ARHGAP15: variants seen among roughly 807,000 people sequenced by gnomAD.
The protein encoded by ARHGAP15 is Rho GTPase activating protein 15.
Under a neutral mutation model 63.7 loss-of-function variants are expected in ARHGAP15, and 51 were observed. That is an observed-to-expected ratio of 0.80 (90% CI 0.64 to 1.01). The LOEUF is 1.01. ARHGAP15 is among the 50% of genes least tolerant of loss of function. The pLI is 0.00. For missense variants in ARHGAP15, 560 were observed against 564.6 expected (o/e 0.99, Z 0.08); for synonymous variants, 191 against 193.8 (o/e 0.99, Z 0.12).
intron 10 of ARHGAP15, among the ~76,000 whole-genome samples, chr2:143,555,409 G>T (rs1188049344): frequency 6.6e-6 from 1 of 152,096 alleles, no homozygotes; most frequent in Non-Finnish European, 1.5e-5. Context: ...GCATCTGCTG[G>T]CAATCTCAGC....
chr2:143,377,527 T>A (rs1466029348), intron 6 of ARHGAP15, among the ~76,000 whole-genome samples: 1 of 152,026 alleles, frequency 6.6e-6, no homozygotes, highest in Non-Finnish European at 1.5e-5. Flanking sequence ...TGTTATTTTA[T>A]AAATTGGGAT....
intron 10 of ARHGAP15, among the ~76,000 whole-genome samples, chr2:143,543,283 A>G (rs1350856032): frequency 1.3e-5 from 2 of 152,040 alleles, no homozygotes; most frequent in Non-Finnish European, 2.9e-5. Flanking sequence ...ATTTGCATGT[A>G]TCTGATGATT....
chr2:143,530,404 G>T (rs147767187), intron 10 of ARHGAP15, among the ~76,000 whole-genome samples: 2 of 152,070 alleles, frequency 1.3e-5, no homozygotes, highest in African/African-American at 2.4e-5. Flanking sequence ...ATTTTTAATA[G>T]GGAGAAACCA....
intron 11 of ARHGAP15, among the ~76,000 whole-genome samples, chr2:143,606,215 T>C (rs970253602): frequency 2.6e-5 from 4 of 152,216 alleles, no homozygotes; most frequent in African/African-American, 7.2e-5. Flanking sequence ...TCAGCAATCA[T>C]GCTACAACAG....
intron 6 of ARHGAP15, among the ~76,000 whole-genome samples, chr2:143,307,957 C>G (rs573337583): frequency 1.3e-5 from 2 of 152,194 alleles, no homozygotes; most frequent in African/African-American, 4.8e-5. Flanking sequence ...AAACTAGATA[C>G]AGCACACAGT....
intron 1 of ARHGAP15, among the ~76,000 whole-genome samples, chr2:143,151,720 T>C (rs961354990): frequency 1.3e-5 from 2 of 151,846 alleles, no homozygotes; most frequent in Non-Finnish European, 2.9e-5. Context: ...GAGAAAAAAC[T>C]GTTGGGATGT....
intron 6 of ARHGAP15, among the ~76,000 whole-genome samples, chr2:143,272,328 C>G (rs891083156): frequency 6.6e-6 from 1 of 152,034 alleles, no homozygotes; most frequent in African/African-American, 2.4e-5. Context: ...ACTTTTTCTT[C>G]ATTGAAAAGT....
intron 6 of ARHGAP15, among the ~76,000 whole-genome samples, chr2:143,302,416 TCTGA>T (rs1682946361): frequency 6.6e-6 from 1 of 152,060 alleles, no homozygotes. Context: ...TACTTCTTGC[TCTGA>T]CTAAAAATAA....
intron 6 of ARHGAP15, among the ~76,000 whole-genome samples, chr2:143,276,490 T>C (rs1009021063): frequency 6.6e-6 from 1 of 152,254 alleles, no homozygotes; most frequent in African/African-American, 2.4e-5. Context: ...GATGACAGTT[T>C]TGCTGTCTTT....
At chr2:143,145,251 T>C (rs1689534238) in intron 1 of ARHGAP15, among the ~76,000 whole-genome samples, 1 of 152,006 alleles carries the variant, frequency 6.6e-6, no homozygotes, top group Non-Finnish European at 1.5e-5. Flanking sequence ...TTATAATGAG[T>C]GATCTCATCT....
In ARHGAP15 at chr2:143,363,663, A is replaced by G. The variant is rs144809728; in HGVS notation, c.475-71938A>G. 6.6e-5 allele frequency among the ~76,000 whole-genome samples: 10 copies of G among 152,280 alleles called. No homozygotes were observed. The East Asian group carries it at 1.5e-3, about 23-fold the overall frequency. ...TGTCACAATATTCTATATACCACCT[A>G]TCATTATCACATATTTCTCTGCATA... is the stretch of plus-strand genomic sequence containing the variant. On this transcript the variant is annotated intron_variant, in intron 6 of 13. Transcript: ENST00000295095.
In ARHGAP15 at chr2:143,554,368, T is replaced by C. The variant is rs80025603; in HGVS notation, c.926-2040T>C. Among the ~76,000 whole-genome samples the C allele has an allele frequency of 7.5e-3, 1,149 of 152,278 alleles. 11 individuals carry two copies. Among genetic ancestry groups the C allele is most frequent in the Non-Finnish European group, 8.5e-3 (576 of 68,024 alleles). On this transcript the variant is annotated intron_variant, in intron 10 of 13. Transcript: ENST00000295095. ...CCACTCATGGTTCTGATGCCATTTG[T>C]CTGCTTCCAAATCCAAAACTCTCTC...
intron 12 of ARHGAP15, among the ~76,000 whole-genome samples, chr2:143,632,484 T>C (rs1448510284): frequency 1.3e-5 from 2 of 152,076 alleles, no homozygotes; most frequent in Admixed American, 1.3e-4. Context: ...GAAGAGTGTT[T>C]TTTTAAATGC....
chr2:143,526,323 T>C (rs537837367), intron 10 of ARHGAP15, among the ~76,000 whole-genome samples: 4 of 152,230 alleles, frequency 2.6e-5, no homozygotes, highest in Admixed American at 2.6e-4. Context: ...TCCCACACTT[T>C]AAAATCCACA....
intron 6 of ARHGAP15, among the ~76,000 whole-genome samples, chr2:143,418,713 G>T (rs1278678559): frequency 6.6e-6 from 1 of 152,092 alleles, no homozygotes. Context: ...TGTAAATAAG[G>T]TTGTCCCATG....
At chr2:143,546,309 A>G (rs1160692888) in intron 10 of ARHGAP15, among the ~76,000 whole-genome samples, 2 of 152,196 alleles carry the variant, frequency 1.3e-5, no homozygotes, top group African/African-American at 4.8e-5. Context: ...ATCAGTATCT[A>G]TTTCAAGTAT....
At chr2:143,213,694 G>T (rs1318562898) in intron 3 of ARHGAP15, among the ~76,000 whole-genome samples, 1 of 152,182 alleles carries the variant, frequency 6.6e-6, no homozygotes, top group Non-Finnish European at 1.5e-5. Context: ...AGCGTTATTA[G>T]CTTCTTCTAA....
intron 10 of ARHGAP15, among the ~76,000 whole-genome samples, chr2:143,540,703 C>T (rs1438170414): frequency 1.3e-5 from 2 of 152,282 alleles, no homozygotes; most frequent in Non-Finnish European, 2.9e-5. Context: ...TGAGTATTGG[C>T]CCCCACTCTC....
intron 6 of ARHGAP15, among the ~76,000 whole-genome samples, chr2:143,262,853 A>G (rs1001564646): frequency 2.6e-5 from 4 of 152,120 alleles, no homozygotes; most frequent in Non-Finnish European, 5.9e-5. Flanking sequence ...ACTCTCCCGT[A>G]TCCCAAGAAT....
Sources: allele counts gnomAD v4.1 joint callset (sites outside exome capture counted in the v4.1 genomes callset), GRCh38; gene constraint gnomAD v4.1.1; transcripts MANE v1.5; gene names NCBI Gene and HGNC (gene_info 2026-07-23, HGNC 2026-07-21).